Variants in PDE10A observed in about 807,000 individuals in gnomAD.
The protein encoded by PDE10A is phosphodiesterase 10A, also known as cAMP and cAMP-inhibited cGMP 3',5'-cyclic phosphodiesterase 10A.
In PDE10A, 39 loss-of-function variants were observed where a neutral mutation model predicts 97.7. The ratio of observed to expected loss-of-function variants is 0.40; its 90% CI spans 0.31 to 0.52. PDE10A has a LOEUF of 0.52. PDE10A is among the 20% of genes least tolerant of loss of function. The pLI is 0.56. For synonymous variants in PDE10A, 371 were observed against 376.8 expected (o/e 0.98, Z 0.18); for missense variants, 731 against 1,047.8 (o/e 0.70, Z 4.17).
At chr6:165,807,501 C>T (rs1188839732) in intron 1 of PDE10A, among the ~76,000 whole-genome samples, 1 of 152,086 alleles carries the variant, frequency 6.6e-6, no homozygotes, top group African/African-American at 2.4e-5. Context: ...ACAGCAGGTT[C>T]GTCCTGCAGT....
chr6:165,719,467 T>C (rs80123649), intron 1 of PDE10A, among the ~76,000 whole-genome samples: 1,599 of 152,338 alleles, frequency 0.01, 31 homozygotes, highest in African/African-American at 0.037. Flanking sequence ...TCAAATGAAA[T>C]ATGATTTTCA....
At chr6:165,502,116 A>C (rs1181910222) in intron 2 of PDE10A, among the ~76,000 whole-genome samples, 4 of 152,226 alleles carry the variant, frequency 2.6e-5, no homozygotes, top group Admixed American at 1.3e-4. Flanking sequence ...CACACAATAC[A>C]TAAAGATTAA....
At chr6:165,730,773 C>T (rs1310365640) in intron 1 of PDE10A, among the ~76,000 whole-genome samples, 2 of 118,608 alleles carry the variant, frequency 1.7e-5, no homozygotes, top group African/African-American at 6.6e-5. Context: ...AATCCGGGCC[C>T]GGTGGCTCAC....
At chr6:165,915,559 T>G (rs6929724) in intron 1 of PDE10A, among the ~76,000 whole-genome samples, 48,315 of 151,996 alleles carry the variant, frequency 0.32, 8,019 homozygotes, top group Middle Eastern at 0.36. Context: ...CCTCCCCTGC[T>G]GGGAGTGGAG....
intron 1 of PDE10A, among the ~76,000 whole-genome samples, chr6:165,976,061 G>C (rs1011364204): frequency 5.9e-5 from 9 of 152,166 alleles, no homozygotes; most frequent in African/African-American, 2.2e-4. Context: ...TAAAGAACCT[G>C]CTATTAAGCA....
intron 10 of PDE10A, among the ~76,000 whole-genome samples, chr6:165,424,434 GA>G (rs1788964707): frequency 6.6e-6 from 1 of 152,140 alleles, no homozygotes; most frequent in Admixed American, 6.5e-5. Context: ...AAGGGTGAAT[GA>G]AAACTTGAAG....
intron 20 of PDE10A, among the ~76,000 whole-genome samples, chr6:165,338,842 C>T (rs1781804657): frequency 6.6e-6 from 1 of 152,172 alleles, no homozygotes; most frequent in Non-Finnish European, 1.5e-5. Flanking sequence ...TGGTCTTACT[C>T]CATCTAAATG....
chr6:165,832,635 C>G (rs1381940134), intron 1 of PDE10A, among the ~76,000 whole-genome samples: 1 of 152,218 alleles, frequency 6.6e-6, no homozygotes, highest in Non-Finnish European at 1.5e-5. Flanking sequence ...AGCGTTCCCA[C>G]CCACTCTTCA....
chr6:165,423,691 C>A (rs1788893222), intron 10 of PDE10A, among the ~76,000 whole-genome samples: 1 of 152,080 alleles, frequency 6.6e-6, no homozygotes, highest in African/African-American at 2.4e-5. Context: ...CATGGTGAAA[C>A]CCCGTTTCTA....
intron 2 of PDE10A, among the ~76,000 whole-genome samples, chr6:165,504,122 A>G (rs978673577): frequency 6.6e-6 from 1 of 152,206 alleles, no homozygotes; most frequent in Non-Finnish European, 1.5e-5. Flanking sequence ...ATGACAGGGA[A>G]TAATTCTAGA....
chr6:165,369,860 T>C (rs1241511329), intron 18 of PDE10A, among the ~76,000 whole-genome samples: 1 of 151,498 alleles, frequency 6.6e-6, no homozygotes, highest in Non-Finnish European at 1.5e-5. Flanking sequence ...GGGAAGCCCA[T>C]CAGACTAACA....
At chr6:165,601,070 T>C (rs1003990407) in intron 1 of PDE10A, among the ~76,000 whole-genome samples, 2 of 152,202 alleles carry the variant, frequency 1.3e-5, no homozygotes, top group East Asian at 1.9e-4. Context: ...GGGGTGGTAA[T>C]TGAATCATGG....
chr6:165,504,249 G>A (rs1044969517), intron 2 of PDE10A, among the ~76,000 whole-genome samples: 6 of 151,880 alleles, frequency 4.0e-5, no homozygotes, highest in Non-Finnish European at 8.8e-5. Flanking sequence ...AAGGTCATGT[G>A]GTTAAAGTGA....
At chr6:165,749,250 A>G (rs1792920410) in intron 1 of PDE10A, among the ~76,000 whole-genome samples, 1 of 70,234 alleles carries the variant, frequency 1.4e-5, no homozygotes, top group Admixed American at 1.1e-4. Context: ...TCACATCACC[A>G]TCATCACCAT....
intron 3 of PDE10A, among the ~76,000 whole-genome samples, chr6:165,450,934 A>AAT (rs1176429135): frequency 6.6e-6 from 1 of 152,186 alleles, no homozygotes; most frequent in Non-Finnish European, 1.5e-5. Context: ...AGGTGTTACA[A>AAT]ATTTTAACTT....
intron 3 of PDE10A, among the ~76,000 whole-genome samples, chr6:165,454,576 A>G (rs900848687): frequency 5.3e-5 from 8 of 152,084 alleles, no homozygotes; most frequent in Non-Finnish European, 8.8e-5. Context: ...GAGTTTGGCC[A>G]CCTTCCTCTC....
At chr6:165,698,635 A>G (rs544430064) in intron 1 of PDE10A, among the ~76,000 whole-genome samples, 128 of 152,330 alleles carry the variant, frequency 8.4e-4, no homozygotes, top group African/African-American at 2.9e-3. Context: ...GGATCACCTG[A>G]GGTCAGCAGT....
intron 2 of PDE10A, among the ~76,000 whole-genome samples, chr6:165,508,612 A>G (rs1184296655): frequency 6.6e-6 from 1 of 151,924 alleles, no homozygotes; most frequent in East Asian, 1.9e-4. Context: ...CTGCCAAGCT[A>G]TTCTCCACAC....
chr6:165,641,578 C>T (rs1190272270), intron 1 of PDE10A, among the ~76,000 whole-genome samples: 2 of 152,224 alleles, frequency 1.3e-5, no homozygotes, highest in African/African-American at 2.4e-5. Flanking sequence ...CATGATAACC[C>T]ACAGTCAGAG....
Sources: gnomAD v4.1 joint callset for allele counts (sites outside exome capture counted in the v4.1 genomes callset) on GRCh38, gnomAD v4.1.1 for gene constraint, MANE v1.5 for transcripts, NCBI Gene and HGNC (gene_info 2026-07-23, HGNC 2026-07-21) for gene names.